Variants in MYO6 observed in about 807,000 individuals in gnomAD.
The protein encoded by MYO6 is myosin VI.
A neutral mutation model predicts 178.7 loss-of-function variants in MYO6; 74 were observed. The ratio of observed to expected loss-of-function variants is 0.41; its 90% CI spans 0.34 to 0.50. MYO6 has a LOEUF of 0.50. MYO6 is among the 20% of genes least tolerant of loss of function. The pLI, the probability that MYO6 is intolerant of heterozygous loss-of-function variation, is 0.09. For missense variants in MYO6, 1,330 were observed against 1,547.4 expected (o/e 0.86, Z 2.36); for synonymous variants, 477 against 504.6 (o/e 0.95, Z 0.73).
chr6:75,783,686 A>G (rs557369720), intron 1 of MYO6, among the ~76,000 whole-genome samples: 45 of 152,236 alleles, frequency 3.0e-4, no homozygotes, highest in Non-Finnish European at 6.2e-4. Flanking sequence ...AATAAAGTCA[A>G]GGTTCCTTTA....
At chr6:75,825,053 C>T (rs1209483179) in intron 3 of MYO6, among the ~76,000 whole-genome samples, 3 of 152,096 alleles carry the variant, frequency 2.0e-5, no homozygotes, top group Non-Finnish European at 2.9e-5. Context: ...GCCACTGCAC[C>T]GAGCTATAGC....
intron 29 of MYO6, among the ~76,000 whole-genome samples, chr6:75,897,971 T>G (rs1779434845): frequency 6.6e-6 from 1 of 152,236 alleles, no homozygotes; most frequent in African/African-American, 2.4e-5. Flanking sequence ...TTTTCACCAT[T>G]GTGCCTTATC....
chr6:75,785,715 T>C (rs1767489659), intron 1 of MYO6, among the ~76,000 whole-genome samples: 1 of 151,864 alleles, frequency 6.6e-6, no homozygotes. Context: ...TGTTTGCTTT[T>C]CACATATAGA....
In MYO6 at chr6:75,915,049, C is replaced by T. The variant is rs1277274782; in HGVS notation, c.*37C>T. 1 of 1,581,484 alleles carries T rather than the reference C, an allele frequency of 6.3e-7. No individual in the cohort carries two copies. The highest frequency in any genetic ancestry group is 8.6e-7 in the Non-Finnish European group (1 of 1,160,896). On this transcript the variant is annotated 3_prime_UTR_variant, in exon 35 of 35. Transcript: ENST00000369977. ...CAGCCTTACAGCTGGGAGCCTTTGCCATGGTACTTAGGTAGGGTGTGTGCC... is the reference window on the plus strand; with the variant it reads ...CAGCCTTACAGCTGGGAGCCTTTGCTATGGTACTTAGGTAGGGTGTGTGCC...
intron 1 of MYO6, among the ~76,000 whole-genome samples, chr6:75,793,548 G>C (rs575721192): frequency 2.6e-4 from 39 of 151,730 alleles, no homozygotes; most frequent in African/African-American, 9.4e-4. Context: ...AGGTTGCTGT[G>C]AGCCAAGATC....
At position 75,756,927 on chromosome 6, in the gene MYO6, AC is replaced by A. The variant is rs1239262195; in HGVS notation, c.-48+7506del. On this transcript the variant is annotated intron_variant, in intron 1 of 34. Transcript: ENST00000369977. Reference sequence around the variant, plus strand: ...TATATATATACACATATATATACACACCATATATAGTGTGTATATATGTGTA... The same window carrying A: ...TATATATATACACATATATATACACACATATATAGTGTGTATATATGTGTA... 1.0e-4 allele frequency among the ~76,000 whole-genome samples: 15 copies of A among 145,454 alleles called. 1 individual carries two copies. Among genetic ancestry groups the A allele is most frequent in the East Asian group, 1.0e-3 (5 of 4,902 alleles).
chr6:75,754,038 G>T (rs190279852), intron 1 of MYO6, among the ~76,000 whole-genome samples: 35 of 152,240 alleles, frequency 2.3e-4, no homozygotes, highest in Admixed American at 1.3e-3. Context: ...AATCTTGCTG[G>T]TGCTAAAGAG....
At chr6:75,756,238 AAAC>A (rs1562111759) in intron 1 of MYO6, among the ~76,000 whole-genome samples, 1 of 152,104 alleles carries the variant, frequency 6.6e-6, no homozygotes, top group Non-Finnish European at 1.5e-5. Flanking sequence ...CAAAAAAAAA[AAAC>A]AACAAGCAAG....
intron 1 of MYO6, among the ~76,000 whole-genome samples, chr6:75,800,747 G>T (rs1462308173): frequency 2.0e-5 from 3 of 152,002 alleles, no homozygotes; most frequent in Non-Finnish European, 2.9e-5. Context: ...TTGAGACAGG[G>T]TCTCACTCCA....
At chr6:75,906,097 T>G (rs1207864919) in intron 30 of MYO6, among the ~76,000 whole-genome samples, 1 of 152,186 alleles carries the variant, frequency 6.6e-6, no homozygotes, top group African/African-American at 2.4e-5. Flanking sequence ...AGGAAGTATA[T>G]TTTAGGTAGT....
At chr6:75,799,862 T>C (rs1769263793) in intron 1 of MYO6, among the ~76,000 whole-genome samples, 1 of 152,118 alleles carries the variant, frequency 6.6e-6, no homozygotes, top group Admixed American at 6.5e-5. Context: ...TATTTCCTGC[T>C]TCCCCCCAGG....
intron 30 of MYO6, among the ~76,000 whole-genome samples, chr6:75,905,042 GT>G (rs2149406515): frequency 6.6e-6 from 1 of 152,290 alleles, no homozygotes; most frequent in South Asian, 2.1e-4. Context: ...CTGCTTAGGG[GT>G]CAGGGGTCAG....
chr6:75,903,883 G>A (rs1160450770), intron 30 of MYO6, among the ~76,000 whole-genome samples: 1 of 151,660 alleles, frequency 6.6e-6, no homozygotes, highest in African/African-American at 2.4e-5. Flanking sequence ...TCCTTTCCAT[G>A]TTTAGCGCTT....
At chr6:75,826,966 AT>A (rs1234723826) in intron 3 of MYO6, among the ~76,000 whole-genome samples, 1 of 152,136 alleles carries the variant, frequency 6.6e-6, no homozygotes, top group Non-Finnish European at 1.5e-5. Context: ...GCATTAAATG[AT>A]TATAGATGGA....
chr6:75,877,638 C>T (rs1214382222), intron 20 of MYO6, among the ~76,000 whole-genome samples: 1 of 151,898 alleles, frequency 6.6e-6, no homozygotes, highest in Non-Finnish European at 1.5e-5. Flanking sequence ...AAGTTTTCTT[C>T]TTCTGTAACC....
chr6:75,830,766 CATT>C (rs1357993058), intron 5 of MYO6, among the ~76,000 whole-genome samples: 1 of 152,178 alleles, frequency 6.6e-6, no homozygotes, highest in Admixed American at 6.5e-5. Flanking sequence ...TACCATACAT[CATT>C]ATCTGTGTTA....
At chr6:75,774,851 G>A (rs1171168351) in intron 1 of MYO6, among the ~76,000 whole-genome samples, 2 of 151,738 alleles carry the variant, frequency 1.3e-5, no homozygotes, top group East Asian at 3.9e-4. Flanking sequence ...GGAGTGCAAT[G>A]GCACGATCTT....
At chr6:75,808,904 G>A (rs982895707) in intron 1 of MYO6, among the ~76,000 whole-genome samples, 1 of 152,180 alleles carries the variant, frequency 6.6e-6, no homozygotes, top group African/African-American at 2.4e-5. Flanking sequence ...AGGTAGATAA[G>A]AGACAAACTA....
intron 1 of MYO6, among the ~76,000 whole-genome samples, chr6:75,814,998 A>G (rs1167645307): frequency 6.6e-6 from 1 of 152,236 alleles, no homozygotes; most frequent in African/African-American, 2.4e-5. Context: ...TTAGGGACAC[A>G]GAGAGGAGTA....
Sources: allele counts gnomAD v4.1 joint callset (sites outside exome capture counted in the v4.1 genomes callset), GRCh38; gene constraint gnomAD v4.1.1; transcripts MANE v1.5; gene names NCBI Gene and HGNC (gene_info 2026-07-23, HGNC 2026-07-21).